The following ICAM2 variants were observed in gnomAD, a reference collection of about 807,000 sequenced individuals.
ICAM2 encodes the protein intercellular adhesion molecule 2, also known as ICAM-2.
ICAM2 carries 14 observed loss-of-function variants against 19.1 expected under a neutral mutation model. The ratio of observed to expected loss-of-function variants is 0.73; its 90% confidence interval spans 0.48 to 1.15. The LOEUF (loss-of-function observed/expected upper bound fraction) is 1.15, where lower values mean the gene tolerates loss of function less well. ICAM2 is among the 50% of genes most tolerant of loss of function. ICAM2 has a pLI of 0.00. For synonymous variants in ICAM2, 153 were observed against 152.7 expected (o/e 1.00, Z -0.01); for missense variants, 311 against 355.4 (o/e 0.88, Z 1.00).
chr17:64,005,847 A>G (rs1911172026), intron 2 of ICAM2: 1 of 190,840 alleles, frequency 5.2e-6, no homozygotes, highest in African/African-American at 2.3e-5. Flanking sequence ...CTGGGGATAC[A>G]GCAGTGATCA....
At chr17:64,002,972 T>G in intron 4 of ICAM2, 47 bp from the exon 5 acceptor site, 2 of 1,570,252 alleles carry the variant, frequency 1.3e-6, no homozygotes, top group Non-Finnish European at 1.7e-6. Flanking sequence ...TGATCCCAGT[T>G]ACCAGGGACC....
intron 2 of ICAM2, chr17:64,006,093 C>G (rs1220383341): frequency 1.3e-5 from 2 of 155,956 alleles, no homozygotes; most frequent in African/African-American, 2.4e-5. Context: ...AGGGGGCCAG[C>G]AGTGCAAAGG....
intron 4 of ICAM2, 198 bp downstream of exon 4, chr17:64,003,445 TC>T: frequency 3.3e-6 from 2 of 600,262 alleles, no homozygotes; most frequent in Middle Eastern, 4.5e-4. Context: ...AGTTGACCTC[TC>T]CCGACCTCTG....
intron 1 of ICAM2, among the ~76,000 whole-genome samples, chr17:64,008,283 C>A (rs1281582471): frequency 6.6e-6 from 1 of 152,142 alleles, no homozygotes; most frequent in Admixed American, 6.5e-5. Context: ...AATCTGATTT[C>A]ATGTGGGGCC....
Position 64,003,777 on chromosome 17 carries a change from T to C in ICAM2, c.516A>G (p.Thr172=), listed in dbSNP as rs554416826. 7.4e-6 allele frequency: 12 copies of C among 1,614,244 alleles called. No individual in the cohort carries two copies. In the South Asian group the frequency reaches 9.9e-5, roughly 13 times the overall value. The change falls in exon 4 of 5, where the codon ACA becomes ACG. Residue 172 remains threonine (T), a synonymous_variant. Coordinates refer to ENST00000579788, the MANE Select transcript of ICAM2 (RefSeq NM_001099789.2). ...TGTCAGCCGTGCTGTTGAATGTGGCTGTGGCCTCCTGCGGAGCAGGGGCTG... is the reference window on the plus strand; with the variant it reads ...TGTCAGCCGTGCTGTTGAATGTGGCCGTGGCCTCCTGCGGAGCAGGGGCTG... ...GKAAPAPQEA[T]ATFNSTADRE...
chr17:64,003,724 C>A lies in ICAM2; in HGVS notation c.569G>T (p.Cys190Phe). The change falls in exon 4 of 5, where the codon TGC (cysteine) becomes TTC (phenylalanine). Residue 190 changes from cysteine to phenylalanine, a missense_variant. Cys to Phe is a radical substitution (Grantham distance 205). Transcript: ENST00000579788. ...AGACATCAAGTCCAGCACAGCCAGG[C>A]AGGAGAAGTTGCGGTGGCCATCCTC... The part of the protein sequence containing the change: ...DREDGHRNFS[C>F]LAVLDLMSRG... The A allele has an allele frequency of 3.7e-6, 6 of 1,614,200 alleles. No individual in the cohort carries two copies. Among genetic ancestry groups the A allele is most frequent in the Non-Finnish European group, 5.1e-6 (6 of 1,180,052 alleles).
chr17:64,015,612 C>T (rs967476613), intron 1 of ICAM2, among the ~76,000 whole-genome samples: 1 of 152,012 alleles, frequency 6.6e-6, no homozygotes, highest in African/African-American at 2.4e-5. Flanking sequence ...TGGTGGTGCA[C>T]GCCTGTAGTC....
At chr17:64,008,936 G>A (rs909441543) in intron 1 of ICAM2, among the ~76,000 whole-genome samples, 2 of 152,200 alleles carry the variant, frequency 1.3e-5, no homozygotes, top group Non-Finnish European at 2.9e-5. Context: ...CGAAAGCACA[G>A]GCCCCAGTTC....
rs745320913 is a variant in ICAM2 at position 64,006,647 on chromosome 17, G to A, written c.45C>T (p.Thr15=). 1 of 1,614,158 alleles carries A rather than the reference G, an allele frequency of 6.2e-7. No homozygotes were observed. Among genetic ancestry groups the A allele is most frequent in the Non-Finnish European group, 8.5e-7 (1 of 1,180,008 alleles). Residue 15 remains threonine (T), a synonymous_variant, in exon 2 of 5, where the codon ACC becomes ACT. Transcript: ENST00000579788. ...CTGGCTTACCTGGACAGCAGATCAG[G>A]GTGAAGAGGGCCACAGTCAGGGTCC... ...GYRTLTVALF[T]LICCPGSDEK...
At position 64,003,961 on chromosome 17, in the gene ICAM2, G is replaced by A. The variant is rs754354153; in HGVS notation, c.332C>T (p.Pro111Leu). 2 of 1,608,548 alleles carry A rather than the reference G, an allele frequency of 1.2e-6. No individual in the cohort carries two copies. Among genetic ancestry groups the A allele is most frequent in the Non-Finnish European group, 1.7e-6 (2 of 1,177,542 alleles). The change falls in exon 4 of 5, where the codon CCT becomes CTT. Residue 111 changes from proline (P) to leucine (L), a missense_variant. Transcript: ENST00000579788. ...SMNSNVSVYQPPRQVILTLQP... is the reference protein window; with the variant it reads ...SMNSNVSVYQLPRQVILTLQP... Reference sequence around the variant, plus strand: ...CAGTGTCAGGATGACCTGCCTTGGAGGCTCTGCAGGGGACAAAGGAGGGAG... The same window carrying A: ...CAGTGTCAGGATGACCTGCCTTGGAAGCTCTGCAGGGGACAAAGGAGGGAG...
chr17:64,020,031 G>A (rs576121034), intron 1 of ICAM2, among the ~76,000 whole-genome samples: 1 of 152,132 alleles, frequency 6.6e-6, no homozygotes, highest in Non-Finnish European at 1.5e-5. Context: ...AGAAAGAAGA[G>A]GCTTCATGGG....
intron 3 of ICAM2, chr17:64,004,671 G>T: frequency 3.7e-6 from 1 of 269,780 alleles, no homozygotes; most frequent in Non-Finnish European, 7.3e-6. Context: ...TGTGCAGGTG[G>T]AGTGTGATGG....
chr17:64,020,237 G>C (rs1012307651), intron 1 of ICAM2, among the ~76,000 whole-genome samples: 1 of 151,850 alleles, frequency 6.6e-6, no homozygotes, highest in African/African-American at 2.4e-5. Flanking sequence ...TTTCTACATC[G>C]GCCACCGAGA....
intron 3 of ICAM2, 90 bp from the exon 4 acceptor site, chr17:64,004,054 G>A: frequency 2.0e-6 from 2 of 1,008,582 alleles, no homozygotes; most frequent in African/African-American, 1.6e-5. Context: ...TGTCACCATG[G>A]TGTTCCACGG....
At chr17:64,010,121 T>C (rs1332294572) in intron 1 of ICAM2, among the ~76,000 whole-genome samples, 1 of 152,186 alleles carries the variant, frequency 6.6e-6, no homozygotes, top group African/African-American at 2.4e-5. Context: ...GTCTCCCCGA[T>C]CTCCTCATTT....
chr17:64,006,738 G>T lies in ICAM2; in HGVS notation c.-44-3C>A. The T allele has an allele frequency of 6.4e-7, 1 of 1,571,174 alleles. No individual in the cohort carries two copies. Among genetic ancestry groups the T allele is most frequent in the Non-Finnish European group, 8.8e-7 (1 of 1,141,656 alleles). ...CGCAGGGACCAGCCAAGGGCTGCCTGGAGGGAGATGGTGGGCGCAGGTCTG... is the reference window on the plus strand; with the variant it reads ...CGCAGGGACCAGCCAAGGGCTGCCTTGAGGGAGATGGTGGGCGCAGGTCTG... On this transcript the variant is annotated splice_region_variant and splice_polypyrimidine_tract_variant and intron_variant, in intron 1 of 4. Transcript: ENST00000579788.
intron 1 of ICAM2, 55 bp from the exon 2 acceptor site, chr17:64,006,790 C>T (rs1452797052): frequency 3.6e-5 from 37 of 1,041,904 alleles, no homozygotes; most frequent in Non-Finnish European, 5.1e-5. Flanking sequence ...CCCTAGCCTT[C>T]TGCAAACTGA....
intron 1 of ICAM2, among the ~76,000 whole-genome samples, chr17:64,017,123 C>T (rs1911745705): frequency 1.3e-5 from 2 of 152,084 alleles, no homozygotes; most frequent in African/African-American, 4.8e-5. Flanking sequence ...AGGTCTTACA[C>T]ATTGCAGTAA....
chr17:64,018,972 G>A (rs1221869387), intron 1 of ICAM2, among the ~76,000 whole-genome samples: 5 of 151,680 alleles, frequency 3.3e-5, no homozygotes, highest in African/African-American at 9.7e-5. Context: ...CTCCTGCCTT[G>A]GCCTCCCAAA....
Sources: gnomAD v4.1 joint callset for allele counts (sites outside exome capture counted in the v4.1 genomes callset) on GRCh38, gnomAD v4.1.1 for gene constraint, MANE v1.5 for transcripts, NCBI Gene and HGNC (gene_info 2026-07-23, HGNC 2026-07-21) for gene names.